The following FOXP2 variants were observed in gnomAD, a reference collection of about 807,000 sequenced individuals.
FOXP2 encodes the protein forkhead box protein P2.
A neutral mutation model predicts 115.8 loss-of-function variants in FOXP2; 12 were observed. The observed-to-expected ratio is 0.10, with a 90% CI of 0.07 to 0.17. The LOEUF (loss-of-function observed/expected upper bound fraction) is 0.17, where lower values mean the gene tolerates loss of function less well. FOXP2 is among the 10% of genes least tolerant of loss of function. The pLI is 1.00. For missense variants in FOXP2, 629 were observed against 843.5 expected, an observed-to-expected ratio of 0.75 and a Z score of 3.15; for synonymous variants, 328 against 297.7, an observed-to-expected ratio of 1.10 and a Z score of -1.05.
chr7:114,545,921 T>A (rs1799901546), intron 3 of FOXP2, among the ~76,000 whole-genome samples: 1 of 152,188 alleles, frequency 6.6e-6, no homozygotes, highest in African/African-American at 2.4e-5. Context: ...TTCCCTTCCA[T>A]ATATTACTTA....
chr7:114,516,308 GA>G (rs1163918117), intron 2 of FOXP2, among the ~76,000 whole-genome samples: 1 of 152,152 alleles, frequency 6.6e-6, no homozygotes, highest in Non-Finnish European at 1.5e-5. Context: ...AAGCAATGGG[GA>G]AAGGATTTCC....
At chr7:114,263,349 C>CTT (rs372641577) in intron 1 of FOXP2, among the ~76,000 whole-genome samples, 3 of 144,726 alleles carry the variant, frequency 2.1e-5, no homozygotes, top group African/African-American at 7.6e-5. Context: ...ACTTCTTTTT[C>CTT]TTTTTTTTTT....
At chr7:114,403,619 T>G (rs1194823997) in intron 2 of FOXP2, among the ~76,000 whole-genome samples, 1 of 152,212 alleles carries the variant, frequency 6.6e-6, no homozygotes, top group Non-Finnish European at 1.5e-5. Context: ...ACTATGCTAG[T>G]GATACAAGGA....
intron 1 of FOXP2, among the ~76,000 whole-genome samples, chr7:114,138,431 G>T (rs919264960): frequency 7.1e-6 from 1 of 141,376 alleles, no homozygotes; most frequent in African/African-American, 2.7e-5. Flanking sequence ...TCACACTGTC[G>T]CCTGGGCTGG....
chr7:114,128,443 AATGAC>A (rs1791780598), intron 1 of FOXP2, among the ~76,000 whole-genome samples: 1 of 151,594 alleles, frequency 6.6e-6, no homozygotes, highest in Non-Finnish European at 1.5e-5. Context: ...TTTTGCCAAA[AATGAC>A]CCATCTATTG....
At chr7:114,569,425 G>A (rs1009220571) in intron 3 of FOXP2, among the ~76,000 whole-genome samples, 6 of 151,862 alleles carry the variant, frequency 4.0e-5, no homozygotes, top group African/African-American at 1.5e-4. Flanking sequence ...TTAGTACCAT[G>A]TGCATTTAAT....
intron 2 of FOXP2, among the ~76,000 whole-genome samples, chr7:114,294,898 G>A (rs148279070): frequency 0.037 from 4,979 of 135,544 alleles, 193 homozygotes; most frequent in African/African-American, 0.1. Context: ...ATACATACAT[G>A]CATGCATGCA....
intron 1 of FOXP2, among the ~76,000 whole-genome samples, chr7:114,211,745 G>A (rs868178140): frequency 3.9e-5 from 6 of 152,168 alleles, no homozygotes; most frequent in African/African-American, 9.7e-5. Flanking sequence ...GTACCTAAGA[G>A]AGGAAGAACT....
intron 1 of FOXP2, among the ~76,000 whole-genome samples, chr7:114,148,405 G>C (rs965829811): frequency 6.6e-5 from 10 of 151,850 alleles, no homozygotes; most frequent in African/African-American, 2.2e-4. Flanking sequence ...TCCAACGTTT[G>C]GCTGTTCTCT....
chr7:114,513,878 A>G (rs1798195339), intron 2 of FOXP2, among the ~76,000 whole-genome samples: 1 of 152,120 alleles, frequency 6.6e-6, no homozygotes, highest in Non-Finnish European at 1.5e-5. Flanking sequence ...CATACAGGAA[A>G]TGGCAAACTG....
intron 1 of FOXP2, among the ~76,000 whole-genome samples, chr7:114,206,657 G>A (rs1230679636): frequency 2.0e-5 from 3 of 151,970 alleles, no homozygotes; most frequent in Non-Finnish European, 4.4e-5. Context: ...TCCTCTGTTG[G>A]AATGAAAGCT....
intron 3 of FOXP2, among the ~76,000 whole-genome samples, chr7:114,580,289 G>A (rs1052593876): frequency 1.3e-5 from 2 of 152,130 alleles, no homozygotes; most frequent in Non-Finnish European, 2.9e-5. Context: ...ACAGATTTAA[G>A]AAAGAAGGAC....
At chr7:114,296,964 T>G (rs1796754375) in intron 2 of FOXP2, 1 of 220,126 alleles carries the variant, frequency 4.5e-6, no homozygotes, top group Non-Finnish European at 9.0e-6. Flanking sequence ...TAAATGTGTA[T>G]AGTTAATTTT....
intron 2 of FOXP2, among the ~76,000 whole-genome samples, chr7:114,318,254 G>C (rs1400348672): frequency 6.6e-6 from 1 of 151,938 alleles, no homozygotes; most frequent in African/African-American, 2.4e-5. Context: ...CTCTGGAAAT[G>C]CTTCTCCTGG....
intron 2 of FOXP2, among the ~76,000 whole-genome samples, chr7:114,401,845 G>A (rs1313786419): frequency 6.6e-6 from 1 of 152,210 alleles, no homozygotes; most frequent in Admixed American, 6.5e-5. Context: ...TAGAGGCCAG[G>A]CATGGTGGCT....
chr7:114,166,398 CT>C (rs1792981578), intron 1 of FOXP2, among the ~76,000 whole-genome samples: 1 of 152,028 alleles, frequency 6.6e-6, no homozygotes, highest in African/African-American at 2.4e-5. Context: ...ACAAAGAACT[CT>C]TAAAAATAAT....
intron 2 of FOXP2, among the ~76,000 whole-genome samples, chr7:114,407,011 G>A (rs577087359): frequency 9.9e-5 from 15 of 152,074 alleles, no homozygotes; most frequent in Admixed American, 9.2e-4. Context: ...GAGAGAACCA[G>A]ACAGGAGGAA....
rs1039573402 is a variant in FOXP2 at position 114,313,991 on chromosome 7, A to T, written c.-11+25882A>T. ...TAATTTAGTGGATTGCAACCAGCAT[A>T]TTTAAAAATGTAATGTAATAGAATA... On this transcript the variant is annotated intron_variant, in intron 2 of 17. Transcript: ENST00000634411. Among the ~76,000 whole-genome samples the T allele has an allele frequency of 1.2e-4, 18 of 151,926 alleles. No individual in the cohort carries two copies. In the East Asian group the frequency reaches 1.5e-3, roughly 13 times the overall value.
intron 16 of FOXP2, chr7:114,664,842 A>C (rs191728579): frequency 9.2e-5 from 19 of 205,792 alleles, no homozygotes; most frequent in Non-Finnish European, 2.0e-5. Flanking sequence ...AACTGTAGTC[A>C]AGATATTGCC....
Sources: allele counts gnomAD v4.1 joint callset (sites outside exome capture counted in the v4.1 genomes callset), GRCh38; gene constraint gnomAD v4.1.1; transcripts MANE v1.5; gene names NCBI Gene and HGNC (gene_info 2026-07-23, HGNC 2026-07-21).